Variants in SNX14 observed in about 807,000 individuals in gnomAD.
SNX14 encodes sorting nexin 14.
SNX14 carries 93 observed loss-of-function variants against 133.8 expected under a neutral mutation model. The ratio of observed to expected loss-of-function variants is 0.70; its 90% CI spans 0.59 to 0.83. The LOEUF is 0.83. SNX14 is among the 40% of genes least tolerant of loss of function. SNX14 has a pLI of 0.00. For synonymous variants in SNX14, 368 were observed against 365.6 expected, an observed-to-expected ratio of 1.01 and a Z score of -0.07; for missense variants, 945 against 1,094.9, an observed-to-expected ratio of 0.86 and a Z score of 1.93.
chr6:85,521,859 G>A (rs1444995265), intron 21 of SNX14, among the ~76,000 whole-genome samples: 2 of 152,080 alleles, frequency 1.3e-5, no homozygotes, highest in East Asian at 3.9e-4. Context: ...TCTTCTAGTA[G>A]TTTTATAATT....
At chr6:85,528,624 G>T (rs1779204555) in intron 19 of SNX14, among the ~76,000 whole-genome samples, 1 of 152,072 alleles carries the variant, frequency 6.6e-6, no homozygotes, top group Non-Finnish European at 1.5e-5. Flanking sequence ...TTCTATCCTA[G>T]TAAAACAGCT....
intron 21 of SNX14, among the ~76,000 whole-genome samples, chr6:85,519,820 G>A (rs1385410387): frequency 6.6e-5 from 10 of 152,080 alleles, no homozygotes; most frequent in Non-Finnish European, 1.5e-5. Flanking sequence ...AGTGAACTGA[G>A]ATCGTGCCAC....
intron 17 of SNX14, 38 bp from the exon 18 acceptor site, chr6:85,533,838 A>T (rs376677656): frequency 1.3e-6 from 2 of 1,520,620 alleles, no homozygotes; most frequent in Admixed American, 3.4e-5. Flanking sequence ...AATATTCCCA[A>T]TACCTTTAGA....
intron 26 of SNX14, among the ~76,000 whole-genome samples, chr6:85,511,558 T>A (rs542031199): frequency 6.6e-6 from 1 of 152,242 alleles, no homozygotes; most frequent in Non-Finnish European, 1.5e-5. Flanking sequence ...ATATTCTTTA[T>A]CAAGTTGAGG....
intron 7 of SNX14, among the ~76,000 whole-genome samples, chr6:85,550,361 T>C (rs1787296559): frequency 6.6e-6 from 1 of 152,184 alleles, no homozygotes; most frequent in Admixed American, 6.5e-5. Context: ...TATAAAATAA[T>C]AGCAAATGAT....
intron 18 of SNX14, among the ~76,000 whole-genome samples, chr6:85,532,595 T>C (rs1780630728): frequency 1.3e-5 from 2 of 152,316 alleles, no homozygotes; most frequent in South Asian, 2.1e-4. Context: ...TCCTCATAAC[T>C]CCCTCTTCCT....
chr6:85,557,102 C>A (rs748270545), intron 7 of SNX14, among the ~76,000 whole-genome samples: 3 of 152,008 alleles, frequency 2.0e-5, no homozygotes, highest in Non-Finnish European at 4.4e-5. Flanking sequence ...AAGGGGAATA[C>A]AATAAACAAA....
chr6:85,588,575 C>CTAAATAAA (rs145183684), intron 1 of SNX14, among the ~76,000 whole-genome samples: 2,468 of 149,024 alleles, frequency 0.017, 72 homozygotes, highest in African/African-American at 0.055. Flanking sequence ...GACTCCGTCT[C>CTAAATAAA]TAAATAAATA....
chr6:85,579,473 T>C (rs1271712555), intron 1 of SNX14, among the ~76,000 whole-genome samples: 3 of 152,124 alleles, frequency 2.0e-5, no homozygotes, highest in Non-Finnish European at 4.4e-5. Flanking sequence ...TCACAGTACA[T>C]GATTTTAACT....
At chr6:85,535,874 C>A (rs1781813857) in intron 17 of SNX14, among the ~76,000 whole-genome samples, 1 of 151,960 alleles carries the variant, frequency 6.6e-6, no homozygotes, top group African/African-American at 2.4e-5. Flanking sequence ...CCTTTTATAC[C>A]CACGTTAGTG....
intron 17 of SNX14, among the ~76,000 whole-genome samples, chr6:85,535,564 C>A (rs1208696514): frequency 7.1e-6 from 1 of 140,168 alleles, no homozygotes; most frequent in East Asian, 2.2e-4. Context: ...GAGATCGTGC[C>A]ATTGCACTCC....
chr6:85,524,406 C>T (rs188495560), intron 21 of SNX14, among the ~76,000 whole-genome samples: 2 of 152,074 alleles, frequency 1.3e-5, no homozygotes, highest in Non-Finnish European at 2.9e-5. Flanking sequence ...ATAATGAATG[C>T]CAAAGGCAAA....
chr6:85,518,825 C>T (rs1775901395), intron 21 of SNX14, among the ~76,000 whole-genome samples: 1 of 152,148 alleles, frequency 6.6e-6, no homozygotes, highest in African/African-American at 2.4e-5. Context: ...TTAGAATGTT[C>T]CCAAGTTCTT....
intron 15 of SNX14, among the ~76,000 whole-genome samples, chr6:85,539,261 T>C (rs1782867194): frequency 6.6e-6 from 1 of 152,214 alleles, no homozygotes; most frequent in African/African-American, 2.4e-5. Context: ...ATTTCTTTCA[T>C]GCAGTGGAAA....
chr6:85,587,982 G>T (rs1428314650), intron 1 of SNX14, among the ~76,000 whole-genome samples: 3 of 152,130 alleles, frequency 2.0e-5, no homozygotes. Flanking sequence ...CAGGGTGTGT[G>T]TGGAAACTGC....
chr6:85,533,755 C>A lies in SNX14; in HGVS notation c.1654G>T (p.Ala552Ser). 6.2e-7 allele frequency: 1 copy of A among 1,613,930 alleles called. No homozygotes were observed. Among genetic ancestry groups the A allele is most frequent in the Non-Finnish European group, 8.5e-7 (1 of 1,180,018 alleles). The change falls in exon 18 of 29, where the codon GCT becomes TCT. Residue 552 changes from alanine to serine, a missense_variant. Ala to Ser is a moderately conservative substitution (Grantham distance 99, BLOSUM62 1). Transcript: ENST00000314673. The stretch of plus-strand genomic sequence containing the variant: ...CGGGGAGTATTAGGTGTGCTCACAG[C>A]CTCCACTGGAGAATCATCTTCCATT... Reference protein sequence around the residue: ...VVMEDDSPVEAVSTPNTPRNL... With the variant: ...VVMEDDSPVESVSTPNTPRNL...
chr6:85,538,202 A>G (rs979736223), intron 16 of SNX14, among the ~76,000 whole-genome samples: 1 of 152,178 alleles, frequency 6.6e-6, no homozygotes, highest in East Asian at 1.9e-4. Context: ...AACACTAATA[A>G]TAAGTAGTAA....
chr6:85,529,984 A>G (rs539228864), intron 19 of SNX14, among the ~76,000 whole-genome samples: 2 of 152,344 alleles, frequency 1.3e-5, no homozygotes, highest in Admixed American at 6.5e-5. Flanking sequence ...TAAAAAAAGC[A>G]TAAATGTACA....
intron 6 of SNX14, among the ~76,000 whole-genome samples, chr6:85,562,642 T>G (rs906720630): frequency 2.2e-5 from 3 of 138,290 alleles, no homozygotes; most frequent in Non-Finnish European, 4.5e-5. Flanking sequence ...GCACTTGAAG[T>G]GCAGTGGTGT....
Sources: allele counts gnomAD v4.1 joint callset (sites outside exome capture counted in the v4.1 genomes callset), GRCh38; gene constraint gnomAD v4.1.1; transcripts MANE v1.5; gene names NCBI Gene and HGNC (gene_info 2026-07-23, HGNC 2026-07-21).